The following ABTB3 variants were observed in gnomAD, a reference collection of about 807,000 sequenced individuals.
ABTB3 encodes the protein ankyrin repeat and BTB domain containing 3, also known as ankyrin repeat- and BTB/POZ domain-containing protein 3.
the ABTB3 span, among the ~76,000 whole-genome samples, chr12:107,415,909 G>A: frequency 6.6e-6 from 1 of 151,916 alleles, no homozygotes; most frequent in African/African-American, 2.4e-5. Flanking sequence ...AGTGGTTTGA[G>A]CCCACACTCT....
chr12:107,409,321 C>T, the ABTB3 span, among the ~76,000 whole-genome samples: 1 of 152,208 alleles, frequency 6.6e-6, no homozygotes, highest in Non-Finnish European at 1.5e-5. Flanking sequence ...AATAGGAACG[C>T]TTTTACACTG....
chr12:107,594,387 C>T, the ABTB3 span, among the ~76,000 whole-genome samples: 1 of 152,174 alleles, frequency 6.6e-6, no homozygotes, highest in Admixed American at 6.5e-5. Context: ...ACTTGTTTTA[C>T]CTTATCTAAG....
the ABTB3 span, among the ~76,000 whole-genome samples, chr12:107,348,754 A>G: frequency 6.6e-6 from 1 of 152,148 alleles, no homozygotes; most frequent in Non-Finnish European, 1.5e-5. Context: ...TCAAGGTCCT[A>G]TGTTCTGTGA....
chr12:107,323,670 T>C, the ABTB3 span, among the ~76,000 whole-genome samples: 6 of 152,186 alleles, frequency 3.9e-5, no homozygotes, highest in Admixed American at 3.9e-4. Flanking sequence ...CATTGTACCT[T>C]AAACTCCTTT....
At chr12:107,367,106 T>C in the ABTB3 span, among the ~76,000 whole-genome samples, 4 of 152,252 alleles carry the variant, frequency 2.6e-5, no homozygotes, top group Non-Finnish European at 5.9e-5. Flanking sequence ...GGTTCTTGTC[T>C]CATCAGACTG....
chr12:107,597,163 C>A, the ABTB3 span, among the ~76,000 whole-genome samples: 1,601 of 152,318 alleles, frequency 0.011, 20 homozygotes, highest in African/African-American at 0.036. Flanking sequence ...TAGACTCTAA[C>A]ATTCTTATCT....
chr12:107,519,094 CA>C, the ABTB3 span, among the ~76,000 whole-genome samples: 1 of 152,100 alleles, frequency 6.6e-6, no homozygotes, highest in African/African-American at 2.4e-5. Flanking sequence ...TAGTTTTCAC[CA>C]CAATAACGGT....
chr12:107,483,967 C>T, the ABTB3 span, among the ~76,000 whole-genome samples: 1 of 152,198 alleles, frequency 6.6e-6, no homozygotes, highest in African/African-American at 2.4e-5. Context: ...GCTGAGATTA[C>T]AGGCAGGAGC....
chr12:107,657,753 T>G, the ABTB3 span: 1 of 1,602,760 alleles, frequency 6.2e-7, no homozygotes, highest in Admixed American at 1.7e-5. Flanking sequence ...CCGGGAACTT[T>G]CCAGTTCTCC....
the ABTB3 span, among the ~76,000 whole-genome samples, chr12:107,616,691 A>C: frequency 6.6e-6 from 1 of 152,202 alleles, no homozygotes; most frequent in East Asian, 1.9e-4. Flanking sequence ...GCTTTGTGTA[A>C]CCAGCCCAGG....
chr12:107,633,419 G>A, the ABTB3 span, among the ~76,000 whole-genome samples: 2 of 152,210 alleles, frequency 1.3e-5, no homozygotes, highest in East Asian at 3.9e-4. Flanking sequence ...ATGGACTAAA[G>A]CACTAACCTT....
chr12:107,629,029 G>T, the ABTB3 span, among the ~76,000 whole-genome samples: 1 of 152,290 alleles, frequency 6.6e-6, no homozygotes, highest in African/African-American at 2.4e-5. Context: ...ATCTTTTTAG[G>T]AGAAGAGTGG....
chr12:107,444,740 A>G, the ABTB3 span, among the ~76,000 whole-genome samples: 3 of 152,194 alleles, frequency 2.0e-5, no homozygotes, highest in African/African-American at 7.2e-5. Flanking sequence ...CTTCAAAAAT[A>G]CGCACTCAAC....
the ABTB3 span, among the ~76,000 whole-genome samples, chr12:107,338,250 A>G: frequency 6.6e-6 from 1 of 152,338 alleles, no homozygotes; most frequent in East Asian, 1.9e-4. Context: ...TTTAATATTA[A>G]TCAGGCTATA....
chr12:107,497,912 C>T, the ABTB3 span, among the ~76,000 whole-genome samples: 2 of 152,112 alleles, frequency 1.3e-5, no homozygotes, highest in African/African-American at 4.8e-5. Context: ...TGGAGCCTGA[C>T]CTTGCTGTGT....
the ABTB3 span, among the ~76,000 whole-genome samples, chr12:107,551,037 G>A: frequency 6.6e-6 from 1 of 152,144 alleles, no homozygotes; most frequent in Non-Finnish European, 1.5e-5. Flanking sequence ...AGGACTCCTT[G>A]GTCTAACACC....
At chr12:107,581,257 G>T in the ABTB3 span, 1 of 1,514,084 alleles carries the variant, frequency 6.6e-7, no homozygotes, top group South Asian at 1.2e-5. Context: ...TCCGCCAGGC[G>T]GCCCGGCTGC....
At chr12:107,605,019 A>G in the ABTB3 span, among the ~76,000 whole-genome samples, 1 of 152,274 alleles carries the variant, frequency 6.6e-6, no homozygotes, top group Admixed American at 6.5e-5. Context: ...AGGCACAGAA[A>G]GAAAAACACC....
chr12:107,580,768 T>G, the ABTB3 span: 21 of 1,433,222 alleles, frequency 1.5e-5, no homozygotes, highest in East Asian at 1.0e-4. Flanking sequence ...GGGGCGCTGA[T>G]TGGTTTTCCG....
Sources: gnomAD v4.1 joint callset for allele counts (sites outside exome capture counted in the v4.1 genomes callset) on GRCh38, gnomAD v4.1.1 for gene constraint, MANE v1.5 for transcripts, NCBI Gene and HGNC (gene_info 2026-07-23, HGNC 2026-07-21) for gene names.